The following NALF1 variants were observed in gnomAD, a reference collection of about 807,000 sequenced individuals.
NALF1 encodes the protein NALCN channel auxiliary factor 1, also known as family with sequence similarity 155 member A.
A neutral mutation model predicts 48.4 loss-of-function variants in NALF1; 3 were observed. The ratio of observed to expected loss-of-function variants is 0.06; its 90% confidence interval spans 0.03 to 0.16. NALF1 has a LOEUF of 0.16. Among genes scored for constraint, NALF1 ranks in the 10% least tolerant of loss-of-function variants. The pLI is 1.00. For synonymous variants in NALF1, 262 were observed against 245.7 expected, an observed-to-expected ratio of 1.07 and a Z score of -0.62; for missense variants, 526 against 571.5, an observed-to-expected ratio of 0.92 and a Z score of 0.81.
intron 1 of NALF1, among the ~76,000 whole-genome samples, chr13:107,814,090 A>T (rs189277805): frequency 6.9e-4 from 105 of 152,280 alleles, no homozygotes; most frequent in South Asian, 2.7e-3. Flanking sequence ...CATACAGCAG[A>T]CCACTGATTC....
chr13:107,556,761 C>T (rs1286860200), intron 1 of NALF1, among the ~76,000 whole-genome samples: 1 of 152,166 alleles, frequency 6.6e-6, no homozygotes, highest in African/African-American at 2.4e-5. Context: ...ACTGGGATTA[C>T]ATCATTATCT....
intron 1 of NALF1, among the ~76,000 whole-genome samples, chr13:107,357,335 C>T (rs1287183190): frequency 6.6e-6 from 1 of 152,142 alleles, no homozygotes; most frequent in Non-Finnish European, 1.5e-5. Flanking sequence ...AACTCACTCA[C>T]TGTCATGAGA....
At chr13:107,565,078 A>C (rs1449665079) in intron 1 of NALF1, among the ~76,000 whole-genome samples, 2 of 149,754 alleles carry the variant, frequency 1.3e-5, no homozygotes, top group Non-Finnish European at 3.0e-5. Context: ...AAAAAAAAAA[A>C]AAAAAACCTA....
At chr13:107,464,743 C>T (rs1387812941) in intron 1 of NALF1, among the ~76,000 whole-genome samples, 1 of 152,124 alleles carries the variant, frequency 6.6e-6, no homozygotes, top group Non-Finnish European at 1.5e-5. Flanking sequence ...TGGTCTAGAA[C>T]TCCTGATCTC....
chr13:107,791,781 C>A (rs114804447), intron 1 of NALF1, among the ~76,000 whole-genome samples: 2 of 143,702 alleles, frequency 1.4e-5, no homozygotes, highest in East Asian at 3.9e-4. Context: ...TGATCCCCGC[C>A]CCCCCCCGTC....
intron 1 of NALF1, among the ~76,000 whole-genome samples, chr13:107,509,204 A>C (rs1458441643): frequency 1.3e-5 from 2 of 152,148 alleles, no homozygotes; most frequent in African/African-American, 2.4e-5. Context: ...TACATATTAC[A>C]TATTGTTTTA....
intron 1 of NALF1, among the ~76,000 whole-genome samples, chr13:107,740,806 T>A (rs934749200): frequency 5.3e-5 from 8 of 152,078 alleles, no homozygotes; most frequent in Admixed American, 3.3e-4. Context: ...TTTTTAGAGA[T>A]CAGAAAATGA....
intron 1 of NALF1, among the ~76,000 whole-genome samples, chr13:107,724,699 C>A (rs571049682): frequency 2.6e-5 from 4 of 152,108 alleles, no homozygotes; most frequent in Non-Finnish European, 4.4e-5. Context: ...ATAGCTGGGA[C>A]TACAGACATG....
At chr13:107,433,778 C>T (rs949537172) in intron 1 of NALF1, among the ~76,000 whole-genome samples, 1 of 152,060 alleles carries the variant, frequency 6.6e-6, no homozygotes, top group East Asian at 1.9e-4. Flanking sequence ...CCCTAGAGAT[C>T]ATTTTTCACT....
chr13:107,264,758 G>A (rs1040378141), intron 1 of NALF1, among the ~76,000 whole-genome samples: 6 of 152,120 alleles, frequency 3.9e-5, no homozygotes, highest in Non-Finnish European at 8.8e-5. Flanking sequence ...CATATGCATC[G>A]AATTACATTA....
chr13:107,325,846 A>T (rs1186987262), intron 1 of NALF1, among the ~76,000 whole-genome samples: 5 of 24,514 alleles, frequency 2.0e-4, no homozygotes, highest in Non-Finnish European at 4.6e-4. Flanking sequence ...GTCTCAACAC[A>T]CACACACACA....
chr13:107,170,835 G>A (rs186679664), intron 2 of NALF1, 49 bp from the exon 3 acceptor site: 125 of 1,547,018 alleles, frequency 8.1e-5, no homozygotes, highest in Non-Finnish European at 7.8e-5. Context: ...ATACATTTGC[G>A]ACATAGTAGA....
intron 1 of NALF1, among the ~76,000 whole-genome samples, chr13:107,734,319 T>G (rs970355995): frequency 6.6e-6 from 1 of 151,936 alleles, no homozygotes; most frequent in Non-Finnish European, 1.5e-5. Context: ...AATTCTACAA[T>G]GTAACTTTGG....
chr13:107,673,930 CTTAAG>C (rs1313906929), intron 1 of NALF1, among the ~76,000 whole-genome samples: 2 of 152,098 alleles, frequency 1.3e-5, no homozygotes, highest in African/African-American at 4.8e-5. Flanking sequence ...GCACAGATGA[CTTAAG>C]TGTTCTCCCC....
chr13:107,665,499 T>G (rs1234122506), intron 1 of NALF1, among the ~76,000 whole-genome samples: 1 of 152,156 alleles, frequency 6.6e-6, no homozygotes. Context: ...TAAAGACAAA[T>G]TTGTCAGTCC....
intron 1 of NALF1, among the ~76,000 whole-genome samples, chr13:107,321,685 C>T (rs1882258530): frequency 6.6e-6 from 1 of 152,088 alleles, no homozygotes; most frequent in Non-Finnish European, 1.5e-5. Flanking sequence ...TACACAGATT[C>T]TGCCTGCAAT....
At chr13:107,688,233 C>T (rs1056869514) in intron 1 of NALF1, among the ~76,000 whole-genome samples, 7 of 152,150 alleles carry the variant, frequency 4.6e-5, no homozygotes, top group African/African-American at 1.7e-4. Flanking sequence ...AGTTCATTAA[C>T]TTCCCCAAGG....
At chr13:107,261,977 T>G (rs1566467359) in intron 1 of NALF1, among the ~76,000 whole-genome samples, 1 of 152,138 alleles carries the variant, frequency 6.6e-6, no homozygotes, top group East Asian at 1.9e-4. Flanking sequence ...TGGAAATATA[T>G]CAGGGGCAAC....
chr13:107,378,716 ATT>A (rs1167682499), intron 1 of NALF1, among the ~76,000 whole-genome samples: 1 of 152,204 alleles, frequency 6.6e-6, no homozygotes, highest in Non-Finnish European at 1.5e-5. Context: ...AATATGAAAT[ATT>A]GTCAAATGTA....
Sources: gnomAD v4.1 joint callset for allele counts (sites outside exome capture counted in the v4.1 genomes callset) on GRCh38, gnomAD v4.1.1 for gene constraint, MANE v1.5 for transcripts, NCBI Gene and HGNC (gene_info 2026-07-23, HGNC 2026-07-21) for gene names.